Variants in RNF13 observed in about 807,000 individuals in gnomAD.
RNF13 encodes the protein ring finger protein 13, also known as E3 ubiquitin-protein ligase RNF13.
A neutral mutation model predicts 37.7 loss-of-function variants in RNF13; 19 were observed. That is an observed-to-expected ratio of 0.50 (90% CI 0.35 to 0.74). The LOEUF (loss-of-function observed/expected upper bound fraction) is 0.74. Ranked by LOEUF, RNF13 falls within the 30% of genes least tolerant of loss-of-function variation. The pLI is 0.01. For synonymous variants in RNF13, 144 were observed against 157.8 expected, an observed-to-expected ratio of 0.91 and a Z score of 0.65; for missense variants, 375 against 453.0, an observed-to-expected ratio of 0.83 and a Z score of 1.56.
intron 7 of RNF13, among the ~76,000 whole-genome samples, chr3:149,915,806 A>C (rs1455236581): frequency 6.6e-6 from 1 of 152,194 alleles, no homozygotes; most frequent in Admixed American, 6.5e-5. Context: ...TCATAGAGAC[A>C]GAAACTAGAA....
chr3:149,949,794 C>G (rs928070187), intron 8 of RNF13, among the ~76,000 whole-genome samples: 2 of 147,496 alleles, frequency 1.4e-5, no homozygotes, highest in African/African-American at 2.5e-5. Context: ...ATTTATCCTG[C>G]TTGGTGTTCT....
chr3:149,940,436 A>G (rs2108577783), intron 8 of RNF13, among the ~76,000 whole-genome samples: 1 of 152,256 alleles, frequency 6.6e-6, no homozygotes, highest in African/African-American at 2.4e-5. Flanking sequence ...ACAAACTGCT[A>G]TTTGTTTGTT....
At chr3:149,835,681 G>A (rs756505097) in intron 1 of RNF13, among the ~76,000 whole-genome samples, 2 of 151,570 alleles carry the variant, frequency 1.3e-5, no homozygotes, top group Non-Finnish European at 3.0e-5. Context: ...GTGTGTGTGT[G>A]TGTATGTGTG....
chr3:149,856,293 A>G (rs926968065), intron 3 of RNF13, among the ~76,000 whole-genome samples: 11 of 152,204 alleles, frequency 7.2e-5, no homozygotes, highest in African/African-American at 1.7e-4. Flanking sequence ...CAGCCATGCA[A>G]AGATTTACAT....
At chr3:149,914,387 T>C (rs1717289512) in intron 7 of RNF13, among the ~76,000 whole-genome samples, 1 of 152,156 alleles carries the variant, frequency 6.6e-6, no homozygotes, top group Non-Finnish European at 1.5e-5. Context: ...ATATTAATCA[T>C]GTAATCATGT....
chr3:149,910,557 A>G lies in RNF13; in HGVS notation c.501-1421A>G, dbSNP rs1296410957. On this transcript the variant is annotated intron_variant, in intron 6 of 9. Coordinates refer to ENST00000392894, the MANE Select transcript of RNF13 (RefSeq NM_183381.3). ...TCTCGGAAAAAAATAAGTTGCATAC[A>G]TGTTATTTGTCTTAAGTGCTATGGT... Among the ~76,000 whole-genome samples, 4 of 152,184 alleles carry G rather than the reference A, an allele frequency of 2.6e-5. No homozygotes were observed. In the East Asian group the frequency reaches 7.7e-4, roughly 29 times the overall value.
At chr3:149,833,007 A>G (rs941877733) in intron 1 of RNF13, among the ~76,000 whole-genome samples, 2 of 151,934 alleles carry the variant, frequency 1.3e-5, no homozygotes, top group African/African-American at 2.4e-5. Context: ...AAGAGGGAAC[A>G]CCTCCTAACT....
At chr3:149,939,338 T>C in intron 8 of RNF13, 1 of 458,664 alleles carries the variant, frequency 2.2e-6, no homozygotes, top group Admixed American at 2.8e-5. Flanking sequence ...CAAGTTTTAC[T>C]TTTTTCTGTG....
intron 7 of RNF13, 22 bp from the exon 8 acceptor site, chr3:149,921,112 T>C (rs1172745952): frequency 9.2e-7 from 1 of 1,088,764 alleles, no homozygotes; most frequent in Non-Finnish European, 1.3e-6. Context: ...TCTGACTCCT[T>C]TTTTTACTCT....
intron 1 of RNF13, among the ~76,000 whole-genome samples, chr3:149,827,426 A>T (rs766699922): frequency 1.3e-5 from 2 of 152,090 alleles, no homozygotes; most frequent in African/African-American, 2.4e-5. Context: ...AACTTTTAAC[A>T]TTTTTAATGT....
At chr3:149,846,193 T>A in intron 2 of RNF13, 53 bp downstream of exon 2, 1 of 1,187,686 alleles carries the variant, frequency 8.4e-7, no homozygotes, top group Non-Finnish European at 1.2e-6. Context: ...AAGAAAAGCT[T>A]AAAAAAAGCC....
intron 8 of RNF13, chr3:149,939,456 G>A (rs1270195435): frequency 3.6e-6 from 2 of 558,460 alleles, no homozygotes; most frequent in Admixed American, 3.9e-5. Flanking sequence ...CAGCTACTAA[G>A]TGCTGTCCAC....
chr3:149,814,149 T>G (rs976554071), intron 1 of RNF13: 1 of 152,236 alleles, frequency 6.6e-6, no homozygotes, highest in African/African-American at 2.4e-5. Context: ...GCCCCAAACC[T>G]GCCCGGCTAT....
At chr3:149,853,441 TGAGAGAGAGAGAGGGAGAGAGAGA>T (rs1265136041) in intron 3 of RNF13, among the ~76,000 whole-genome samples, 12 of 130,742 alleles carry the variant, frequency 9.2e-5, no homozygotes, top group Non-Finnish European at 1.6e-4. Context: ...GCTGTGTGTG[TGAGAGAGAGAGAGGGAGAGAGAGA>T]GAGAGAGAGA....
chr3:149,933,803 C>T (rs112732035), intron 8 of RNF13, among the ~76,000 whole-genome samples: 197 of 152,032 alleles, frequency 1.3e-3, no homozygotes, highest in Middle Eastern at 3.4e-3. Flanking sequence ...AGGCTGGTCT[C>T]GAACTCCTGA....
chr3:149,909,096 G>T (rs1349476052), intron 6 of RNF13, among the ~76,000 whole-genome samples: 1 of 152,156 alleles, frequency 6.6e-6, no homozygotes, highest in African/African-American at 2.4e-5. Flanking sequence ...TGCAAGTTCA[G>T]CTGTGGGAGA....
At chr3:149,959,819 A>G in intron 8 of RNF13, 3 of 359,966 alleles carry the variant, frequency 8.3e-6, no homozygotes, top group South Asian at 5.5e-5. Context: ...GTCTTACTAA[A>G]ATATTTTGCA....
intron 4 of RNF13, among the ~76,000 whole-genome samples, chr3:149,876,203 G>A (rs1369154338): frequency 6.6e-6 from 1 of 152,166 alleles, no homozygotes; most frequent in Non-Finnish European, 1.5e-5. Context: ...CTGGACTTTA[G>A]CAAAGGCTGG....
chr3:149,816,659 A>G (rs1333635199), intron 1 of RNF13, among the ~76,000 whole-genome samples: 1 of 152,132 alleles, frequency 6.6e-6, no homozygotes. Context: ...TTTGGTAAGG[A>G]TATATGTTTA....
Sources: gnomAD v4.1 joint callset for allele counts (sites outside exome capture counted in the v4.1 genomes callset) on GRCh38, gnomAD v4.1.1 for gene constraint, MANE v1.5 for transcripts, NCBI Gene and HGNC (gene_info 2026-07-23, HGNC 2026-07-21) for gene names.